CILK1: variants seen among roughly 807,000 people sequenced by gnomAD.
CILK1 encodes the protein serine/threonine-protein kinase ICK.
Under a neutral mutation model 79.2 loss-of-function variants are expected in CILK1, and 47 were observed. The ratio of observed to expected loss-of-function variants is 0.59; its 90% CI spans 0.47 to 0.76. The LOEUF (loss-of-function observed/expected upper bound fraction) is 0.76, where lower values mean the gene tolerates loss of function less well. Ranked by LOEUF, CILK1 falls within the 30% of genes least tolerant of loss-of-function variation. The pLI is 0.00. For missense variants in CILK1, 660 were observed against 769.5 expected (o/e 0.86, Z 1.68); for synonymous variants, 266 against 275.9 (o/e 0.96, Z 0.36).
In CILK1 at chr6:53,016,203, A is replaced by G. The variant is rs765400221; in HGVS notation, c.711T>C (p.Arg237=). 6.2e-5 allele frequency: 100 copies of G among 1,614,040 alleles called. No individual in the cohort carries two copies. Among genetic ancestry groups the G allele is most frequent in the Admixed American group, 1.0e-4 (6 of 60,010 alleles). The change falls in exon 8 of 14, where the codon CGT becomes CGC. Residue 237 remains arginine (R), a synonymous_variant. Transcript: ENST00000676107. Reference sequence around the variant, plus strand: ...AGTTATTGGGTACACACTGTGGCCAACGGAAGTTCATTGCACTTGAAAGTT... The same window carrying G: ...AGTTATTGGGTACACACTGTGGCCAGCGGAAGTTCATTGCACTTGAAAGTT... ...GYQLSSAMNF[R]WPQCVPNNLK... is the part of the protein sequence containing the mutation.
At chr6:53,040,767 C>G (rs181921457) in intron 2 of CILK1, among the ~76,000 whole-genome samples, 3 of 152,290 alleles carry the variant, frequency 2.0e-5, no homozygotes, top group African/African-American at 2.4e-5. Flanking sequence ...GCAGAGGGAA[C>G]AAGACAGCAG....
At chr6:53,036,479 A>C (rs996470133) in intron 3 of CILK1, among the ~76,000 whole-genome samples, 4 of 152,106 alleles carry the variant, frequency 2.6e-5, no homozygotes, top group African/African-American at 9.7e-5. Context: ...ACAGTGGCAC[A>C]ATCTCAGCTC....
chr6:53,044,621 TAA>T (rs1766939116), intron 1 of CILK1, among the ~76,000 whole-genome samples: 1 of 152,108 alleles, frequency 6.6e-6, no homozygotes, highest in Non-Finnish European at 1.5e-5. Flanking sequence ...TAAATCTGGG[TAA>T]AGAGTATGCT....
rs1323201130 is a variant in CILK1 at position 53,003,892 on chromosome 6, T to G, written c.*1257A>C. On this transcript the variant is annotated 3_prime_UTR_variant, in exon 14 of 14. Coordinates refer to ENST00000676107, the MANE Select transcript of CILK1 (RefSeq NM_014920.5). ...CTCTTGCCTTTAAGGCAACCATAAG[T>G]GAGGCAAATGTACCATATAGAGATG... 6.6e-6 allele frequency: 1 copy of G among 152,636 alleles called. No homozygotes were observed. The highest frequency in any genetic ancestry group is 1.5e-5 in the Non-Finnish European group (1 of 68,050). 9.5% of individuals were successfully genotyped at this position (152,636 alleles called of 1,614,324 possible). A position where few individuals can be genotyped will look rare whatever the true frequency, so the allele number is the denominator to read the frequency against.
Position 53,019,283 on chromosome 6 carries a change from A to C in CILK1, c.435T>G (p.Gly145=), listed in dbSNP as rs1765076302. ...GTTTTGATCGTATTTCTCGGGCCAA[A>C]CCAAAGTCTGCAATTTTCACAAGTT... ...GPELVKIADF[G]LAREIRSKPP... Residue 145 remains glycine, a synonymous_variant, in exon 6 of 14, where the codon GGT becomes GGG. Transcript: ENST00000676107. 1 of 1,614,116 alleles carries C rather than the reference A, an allele frequency of 6.2e-7. No individual in the cohort carries two copies. Among genetic ancestry groups the C allele is most frequent in the East Asian group, 2.2e-5 (1 of 44,870 alleles).
At chr6:53,034,655 G>C (rs1039655700) in intron 3 of CILK1, among the ~76,000 whole-genome samples, 31 of 152,034 alleles carry the variant, frequency 2.0e-4, no homozygotes, top group Non-Finnish European at 4.4e-4. Context: ...GGGCCCCCAG[G>C]GTATCCTGGG....
In CILK1 at chr6:53,006,271, C is replaced by T. The variant is rs749487873; in HGVS notation, c.1744+44G>A. The stretch of plus-strand genomic sequence containing the variant: ...CTGGCACAAAGCAGTTGTTGAGTAA[C>T]CATTTGTTGAGTAAATTCATGAATA... On this transcript the variant is annotated intron_variant, in intron 13 of 13. Coordinates refer to ENST00000676107, the MANE Select transcript of CILK1 (RefSeq NM_014920.5). The T allele has an allele frequency of 2.5e-6, 4 of 1,594,218 alleles. No homozygotes were observed. In the South Asian group the frequency reaches 4.4e-5, roughly 18 times the overall value.
At chr6:53,023,515 C>T (rs1267431591) in intron 5 of CILK1, among the ~76,000 whole-genome samples, 1 of 152,096 alleles carries the variant, frequency 6.6e-6, no homozygotes, top group East Asian at 1.9e-4. Context: ...AACAATGACC[C>T]AGTAGTGCAG....
At chr6:53,037,886 T>A in intron 3 of CILK1, 53 bp downstream of exon 3, 1 of 1,079,762 alleles carries the variant, frequency 9.3e-7, no homozygotes, top group Non-Finnish European at 1.4e-6. Flanking sequence ...TCTAAGCATG[T>A]ACAAAGCTAT....
At chr6:53,011,199 G>A (rs1419894111) in intron 11 of CILK1, among the ~76,000 whole-genome samples, 1 of 152,114 alleles carries the variant, frequency 6.6e-6, no homozygotes. Context: ...TGGTAGAGGG[G>A]CCTCAGACAT....
At chr6:53,029,846 G>C (rs1014521874) in intron 5 of CILK1, among the ~76,000 whole-genome samples, 17 of 152,346 alleles carry the variant, frequency 1.1e-4, no homozygotes, top group Middle Eastern at 3.4e-3. Context: ...CTTGGACTGA[G>C]AGTAAATGGA....
intron 12 of CILK1, among the ~76,000 whole-genome samples, chr6:53,007,966 TAAATA>T (rs571989940): frequency 3.0e-4 from 45 of 150,188 alleles, no homozygotes; most frequent in South Asian, 1.5e-3. Context: ...TAAAAATAAA[TAAATA>T]AAATAAAATA....
intron 1 of CILK1, among the ~76,000 whole-genome samples, chr6:53,049,119 C>T (rs1367721696): frequency 3.9e-5 from 6 of 152,294 alleles, no homozygotes; most frequent in African/African-American, 1.2e-4. Context: ...CTGCTTGAAC[C>T]CTGAAAATAT....
chr6:53,016,653 T>C (rs1158212366), intron 7 of CILK1, among the ~76,000 whole-genome samples: 3 of 152,222 alleles, frequency 2.0e-5, no homozygotes, highest in Non-Finnish European at 2.9e-5. Flanking sequence ...ACAAATAAAT[T>C]TGTGAAACTC....
intron 1 of CILK1, chr6:53,052,051 G>A (rs1318541517): frequency 5.3e-5 from 8 of 151,936 alleles, no homozygotes; most frequent in African/African-American, 1.2e-4. Flanking sequence ...CCCTCCCCTC[G>A]TCCCACCTAC....
chr6:53,013,570 T>C, intron 9 of CILK1, 92 bp downstream of exon 9: 5 of 1,226,758 alleles, frequency 4.1e-6, no homozygotes, highest in Non-Finnish European at 6.0e-6. Flanking sequence ...AACTGGACCC[T>C]GTATACTGAA....
chr6:53,026,001 G>A (rs780623893), intron 5 of CILK1, among the ~76,000 whole-genome samples: 1 of 152,168 alleles, frequency 6.6e-6, no homozygotes, highest in Non-Finnish European at 1.5e-5. Flanking sequence ...CAAGTTGCCT[G>A]ATTTCAAATC....
chr6:53,045,292 G>A (rs367998920), intron 1 of CILK1, among the ~76,000 whole-genome samples: 2 of 152,290 alleles, frequency 1.3e-5, no homozygotes, highest in South Asian at 2.1e-4. Flanking sequence ...AGCAATTTTG[G>A]CTCTGCATTT....
intron 5 of CILK1, among the ~76,000 whole-genome samples, chr6:53,030,269 G>A (rs539752115): frequency 2.6e-5 from 4 of 152,274 alleles, no homozygotes; most frequent in African/African-American, 9.6e-5. Context: ...CCTCCATTGA[G>A]GGATATGACA....
Sources: allele counts gnomAD v4.1 joint callset (sites outside exome capture counted in the v4.1 genomes callset), GRCh38; gene constraint gnomAD v4.1.1; transcripts MANE v1.5; gene names NCBI Gene and HGNC (gene_info 2026-07-23, HGNC 2026-07-21).